RNF152: variants seen among roughly 807,000 people sequenced by gnomAD.
The protein encoded by RNF152 is E3 ubiquitin-protein ligase RNF152.
In RNF152, 11 loss-of-function variants were observed where a neutral mutation model predicts 12.7. The observed-to-expected ratio is 0.86, with a 90% CI of 0.54 to 1.43. The LOEUF is 1.43. RNF152 is among the 40% of genes most tolerant of loss of function. The pLI is 0.00. For missense variants in RNF152, 255 were observed against 274.8 expected, an observed-to-expected ratio of 0.93 and a Z score of 0.51; for synonymous variants, 113 against 120.3, an observed-to-expected ratio of 0.94 and a Z score of 0.40.
chr18:61,865,218 C>T (rs1402920159), intron 1 of RNF152, among the ~76,000 whole-genome samples: 4 of 152,142 alleles, frequency 2.6e-5, no homozygotes, highest in Non-Finnish European at 5.9e-5. Context: ...TGGATACCTA[C>T]CAATAATCAT....
chr18:61,830,729 G>A (rs1465314508), intron 1 of RNF152, among the ~76,000 whole-genome samples: 1 of 151,976 alleles, frequency 6.6e-6, no homozygotes. Context: ...AAGAAGGCAT[G>A]GAGATTGGCT....
intron 1 of RNF152, among the ~76,000 whole-genome samples, chr18:61,840,663 C>G (rs1014464627): frequency 5.3e-5 from 8 of 152,124 alleles, no homozygotes; most frequent in African/African-American, 1.9e-4. Context: ...TCCCAGAACC[C>G]AGCTTCTAGA....
rs1909542157 is a variant in RNF152, at chr18:61,824,027, A to C, written c.-135-7429T>G. ...TGCATTTTGTTTATGTCAAATTAAC[A>C]AACAATGAATGAATTTGACCCCTCC... On this transcript the variant is annotated intron_variant, in intron 1 of 1. Transcript: ENST00000312828. Among the ~76,000 whole-genome samples the C allele has an allele frequency of 3.3e-5, 5 of 152,266 alleles. No individual in the cohort carries two copies. The East Asian group carries it at 9.6e-4, about 29-fold the overall frequency.
chr18:61,852,324 G>A lies in RNF152; in HGVS notation c.-135-35726C>T, dbSNP rs80074665. ...CACTACTGCTTTTTTAAAAACCTCTGGGCAACAAGAGGAGAAAAATGTTGG... is the reference window on the plus strand; with the variant it reads ...CACTACTGCTTTTTTAAAAACCTCTAGGCAACAAGAGGAGAAAAATGTTGG... On this transcript the variant is annotated intron_variant, in intron 1 of 1. Coordinates refer to ENST00000312828, the MANE Select transcript of RNF152 (RefSeq NM_173557.3). 9.0e-3 allele frequency among the ~76,000 whole-genome samples: 1,377 copies of A among 152,226 alleles called. 18 individuals are homozygous for A. Among genetic ancestry groups the A allele is most frequent in the African/African-American group, 0.032 (1,319 of 41,524 alleles).
At chr18:61,887,351 G>A (rs1599330282) in intron 1 of RNF152, among the ~76,000 whole-genome samples, 2 of 152,206 alleles carry the variant, frequency 1.3e-5, no homozygotes, top group African/African-American at 4.8e-5. Context: ...GAGAAACAAG[G>A]TTCTTGACTA....
intron 1 of RNF152, among the ~76,000 whole-genome samples, chr18:61,866,190 G>C (rs1328439486): frequency 6.6e-6 from 1 of 152,098 alleles, no homozygotes; most frequent in Non-Finnish European, 1.5e-5. Context: ...CAGCAAACTA[G>C]GTTCTCCCTG....
In RNF152 at chr18:61,813,643, G is replaced by T. The variant is rs1052466412; in HGVS notation, c.*2209C>A. On this transcript the variant is annotated 3_prime_UTR_variant, in exon 2 of 2. Coordinates refer to ENST00000312828, the MANE Select transcript of RNF152 (RefSeq NM_173557.3). ...ACTTTAACAAGTAGAACTCTATCACGTACTATACTACAGGGTCAGTCATTT... is the reference window on the plus strand; with the variant it reads ...ACTTTAACAAGTAGAACTCTATCACTTACTATACTACAGGGTCAGTCATTT... The T allele has an allele frequency of 1.3e-5, 2 of 152,124 alleles. No homozygotes were observed. The highest frequency in any genetic ancestry group is 4.8e-5 in the African/African-American group (2 of 41,420). 9.4% of individuals were successfully genotyped at this position (152,124 alleles called of 1,614,324 possible). A position where few individuals can be genotyped will look rare whatever the true frequency, so the allele number is the denominator to read the frequency against.
At chr18:61,871,721 G>A (rs1912005337) in intron 1 of RNF152, among the ~76,000 whole-genome samples, 1 of 152,194 alleles carries the variant, frequency 6.6e-6, no homozygotes, top group Non-Finnish European at 1.5e-5. Context: ...GAACAGCCTG[G>A]CTTGTTCTGG....
rs112627330 is a variant in RNF152 at position 61,831,680 on chromosome 18, G to GAACA, written c.-135-15086_-135-15083dup. The stretch of plus-strand genomic sequence containing the variant: ...ACTGTCACTAGCTACCCTCAAAGCA[G>GAACA]AACAAACAAACAAACAAACAAAAAC... On this transcript the variant is annotated intron_variant, in intron 1 of 1. Coordinates refer to ENST00000312828, the MANE Select transcript of RNF152 (RefSeq NM_173557.3). Among the ~76,000 whole-genome samples, 59 of 151,542 alleles carry GAACA rather than the reference G, an allele frequency of 3.9e-4. No individual in the cohort carries two copies. The East Asian group carries it at 8.1e-3, about 21-fold the overall frequency.
intron 1 of RNF152, among the ~76,000 whole-genome samples, chr18:61,844,043 A>G (rs1910578962): frequency 6.8e-6 from 1 of 147,096 alleles, no homozygotes; most frequent in African/African-American, 2.5e-5. Flanking sequence ...AGAGAAAGAA[A>G]AAGAAAAAAG....
chr18:61,851,053 T>G (rs960898968), intron 1 of RNF152, among the ~76,000 whole-genome samples: 1 of 151,650 alleles, frequency 6.6e-6, no homozygotes, highest in South Asian at 2.1e-4. Flanking sequence ...CTTTCTCTGT[T>G]TGGTCCTCAA....
At chr18:61,826,739 A>C (rs941982432) in intron 1 of RNF152, among the ~76,000 whole-genome samples, 1 of 152,170 alleles carries the variant, frequency 6.6e-6, no homozygotes, top group Admixed American at 6.5e-5. Context: ...TGATTCTCTT[A>C]AATTTAGTAT....
intron 1 of RNF152, among the ~76,000 whole-genome samples, chr18:61,866,948 C>T (rs1309341601): frequency 6.6e-6 from 1 of 152,178 alleles, no homozygotes. Context: ...TGTTAGATCC[C>T]TTATAAGCTG....
intron 1 of RNF152, among the ~76,000 whole-genome samples, chr18:61,841,989 A>G (rs959194990): frequency 6.6e-6 from 1 of 152,226 alleles, no homozygotes; most frequent in Non-Finnish European, 1.5e-5. Context: ...AACTTTATTT[A>G]CAAAAACATG....
chr18:61,859,278 G>C (rs1911357099), intron 1 of RNF152, among the ~76,000 whole-genome samples: 2 of 152,284 alleles, frequency 1.3e-5, no homozygotes, highest in East Asian at 1.9e-4. Flanking sequence ...TCAGTTTCAG[G>C]CTTAGTTGAC....
intron 1 of RNF152, among the ~76,000 whole-genome samples, chr18:61,863,917 C>T (rs1911613300): frequency 6.6e-6 from 1 of 152,204 alleles, no homozygotes; most frequent in Non-Finnish European, 1.5e-5. Context: ...GGGTGGTGAG[C>T]TCCCGCTCTA....
At chr18:61,859,360 C>T (rs1023990413) in intron 1 of RNF152, among the ~76,000 whole-genome samples, 20 of 152,178 alleles carry the variant, frequency 1.3e-4, no homozygotes, top group African/African-American at 4.3e-4. Context: ...GCTTCAGAAA[C>T]GTCGCATCAG....
chr18:61,825,862 T>C (rs924810320), intron 1 of RNF152, among the ~76,000 whole-genome samples: 2 of 150,646 alleles, frequency 1.3e-5, no homozygotes, highest in Admixed American at 6.6e-5. Context: ...CTACTCCTAA[T>C]TTTTTTTTTA....
In RNF152 at chr18:61,808,650, G is replaced by A. The variant is rs1824231878; in HGVS notation, c.*7202C>T. On this transcript the variant is annotated 3_prime_UTR_variant, in exon 2 of 2. Transcript: ENST00000312828. ...CAGCTTCTACACCCATGACTGTTGA[G>A]TGAGGCAAACACAAACAAGTGGTGA... 6.6e-6 allele frequency: 1 copy of A among 152,142 alleles called. No homozygotes were observed. Among genetic ancestry groups the A allele is most frequent in the South Asian group, 2.1e-4 (1 of 4,834 alleles). 9.4% of individuals were successfully genotyped at this position (152,142 alleles called of 1,614,324 possible). A position where few individuals can be genotyped will look rare whatever the true frequency, so the allele number is the denominator to read the frequency against.
Sources: gnomAD v4.1 joint callset for allele counts (sites outside exome capture counted in the v4.1 genomes callset) on GRCh38, gnomAD v4.1.1 for gene constraint, MANE v1.5 for transcripts, NCBI Gene and HGNC (gene_info 2026-07-23, HGNC 2026-07-21) for gene names.